Variants in ABCA13 observed in about 807,000 individuals in gnomAD.
The protein encoded by ABCA13 is ATP binding cassette subfamily A member 13, also known as ATP-binding cassette sub-family A member 13.
ABCA13 carries 476 observed loss-of-function variants against 478.7 expected under a neutral mutation model. The observed-to-expected ratio is 0.99, with a 90% CI of 0.92 to 1.07. ABCA13 has a LOEUF of 1.07. Ranked by LOEUF, ABCA13 falls within the 50% of genes least tolerant of loss-of-function variation. The pLI, the probability that ABCA13 is intolerant of heterozygous loss-of-function variation, is 0.00. For synonymous variants in ABCA13, 2,252 were observed against 2,158.9 expected (o/e 1.04, Z -1.20); for missense variants, 6,060 against 5,910.6 (o/e 1.03, Z -0.83).
chr7:48,534,934 G>A (rs985055675), intron 55 of ABCA13, among the ~76,000 whole-genome samples: 4 of 152,088 alleles, frequency 2.6e-5, no homozygotes, highest in East Asian at 1.9e-4. Flanking sequence ...TTTGATTTAT[G>A]TAAGTTAGAG....
intron 45 of ABCA13, among the ~76,000 whole-genome samples, chr7:48,478,601 G>A (rs1828406125): frequency 6.6e-6 from 1 of 152,052 alleles, no homozygotes; most frequent in Non-Finnish European, 1.5e-5. Flanking sequence ...TCAGGTTATG[G>A]CGGGAGAAGA....
intron 37 of ABCA13, 132 bp downstream of exon 37, chr7:48,389,352 C>T (rs780579070): frequency 1.8e-5 from 19 of 1,043,578 alleles, no homozygotes; most frequent in East Asian, 5.3e-5. Flanking sequence ...TTTAGAGACA[C>T]GGGTGAAAGG....
At position 48,410,652 on chromosome 7, in the gene ABCA13, G is replaced by C; in HGVS notation, c.12203G>C (p.Gly4068Ala). ...TGCCTGAAGGAGGCATATGGCCAGG[G>C]GCTCCGCCTGACACTCACGAGGCAG... Reference protein sequence around the residue: ...PFCLKEAYGQGLRLTLTRQPS... With the variant: ...PFCLKEAYGQALRLTLTRQPS... Residue 4068 changes from glycine (G) to alanine (A), a missense_variant, in exon 40 of 62, where the codon GGG becomes GCG. Physicochemically the swap from Gly to Ala is moderately conservative, Grantham distance 60. Coordinates refer to ENST00000435803, the MANE Select transcript of ABCA13 (RefSeq NM_152701.5). 6.2e-7 allele frequency: 1 copy of C among 1,613,842 alleles called. No individual in the cohort carries two copies. Among genetic ancestry groups the C allele is most frequent in the South Asian group, 1.1e-5 (1 of 91,080 alleles).
At chr7:48,601,581 C>T (rs1185968568) in intron 58 of ABCA13, among the ~76,000 whole-genome samples, 2 of 152,164 alleles carry the variant, frequency 1.3e-5, no homozygotes, top group Non-Finnish European at 2.9e-5. Context: ...CATAATATTC[C>T]ATGATGTATA....
intron 3 of ABCA13, among the ~76,000 whole-genome samples, chr7:48,206,396 A>G (rs1304688776): frequency 6.6e-6 from 1 of 152,232 alleles, no homozygotes; most frequent in Non-Finnish European, 1.5e-5. Flanking sequence ...AATAGGCTAC[A>G]CCACATGGCT....
intron 46 of ABCA13, among the ~76,000 whole-genome samples, chr7:48,482,064 CT>C (rs1047351506): frequency 4.6e-5 from 7 of 151,514 alleles, no homozygotes; most frequent in Non-Finnish European, 8.8e-5. Context: ...AATGTTAACC[CT>C]TTTTTTGAAG....
Position 48,411,085 on chromosome 7 carries a change from C to CTCCTT in ABCA13, c.12228+425_12228+429dup, listed in dbSNP as rs745323941. ...TCTTTCTTTCTTTTTCTTTCTTTCT[C>CTCCTT]TCCTTTCCTTTCCTTTCCTTTTCTT... On this transcript the variant is annotated intron_variant, in intron 40 of 61. Coordinates refer to ENST00000435803, the MANE Select transcript of ABCA13 (RefSeq NM_152701.5). 3.2e-4 allele frequency among the ~76,000 whole-genome samples: 30 copies of CTCCTT among 93,836 alleles called. 4 individuals are homozygous for CTCCTT. Among genetic ancestry groups the CTCCTT allele is most frequent in the Admixed American group, 1.0e-3 (7 of 6,906 alleles). 61.6% of individuals were successfully genotyped at this position (93,836 alleles called of 152,430 possible). A position where few individuals can be genotyped will look rare whatever the true frequency, so the allele number is the denominator to read the frequency against.
chr7:48,579,755 G>A (rs934983867), intron 55 of ABCA13, among the ~76,000 whole-genome samples: 1 of 152,164 alleles, frequency 6.6e-6, no homozygotes, highest in African/African-American at 2.4e-5. Flanking sequence ...ATTCTGGGCA[G>A]GGGAGGCCAG....
chr7:48,574,349 A>G (rs988693968), intron 55 of ABCA13, among the ~76,000 whole-genome samples: 3 of 152,134 alleles, frequency 2.0e-5, no homozygotes, highest in Admixed American at 6.5e-5. Flanking sequence ...TCACTGTTCA[A>G]TGGCCCTGAC....
chr7:48,398,533 G>A (rs1012961586), intron 38 of ABCA13, among the ~76,000 whole-genome samples: 26 of 152,182 alleles, frequency 1.7e-4, no homozygotes, highest in African/African-American at 6.3e-4. Context: ...TCATTAAAAT[G>A]TGACTTCAAG....
intron 59 of ABCA13, among the ~76,000 whole-genome samples, chr7:48,630,741 A>G (rs1172421063): frequency 6.6e-6 from 1 of 151,896 alleles, no homozygotes; most frequent in Non-Finnish European, 1.5e-5. Flanking sequence ...ACTGCTTTCC[A>G]CAGTGGCTGA....
chr7:48,565,391 A>G (rs2131289551), intron 55 of ABCA13, among the ~76,000 whole-genome samples: 1 of 152,236 alleles, frequency 6.6e-6, no homozygotes, highest in South Asian at 2.1e-4. Context: ...AATAAAATGA[A>G]TAAAAATCAT....
intron 43 of ABCA13, 137 bp downstream of exon 43, chr7:48,455,423 C>T (rs748189797): frequency 1.2e-4 from 160 of 1,296,312 alleles, no homozygotes; most frequent in Non-Finnish European, 1.6e-4. Flanking sequence ...TCTGAATTCA[C>T]GAGGAGATCC....
Position 48,314,371 on chromosome 7 carries a change from A to T in ABCA13, c.9821A>T (p.Glu3274Val), listed in dbSNP as rs547417560. The change falls in exon 26 of 62, where the codon GAA becomes GTA. Residue 3274 changes from glutamate (E) to valine (V), a missense_variant. By Grantham distance (121) the Glu-to-Val change is moderately radical. Coordinates refer to ENST00000435803, the MANE Select transcript of ABCA13 (RefSeq NM_152701.5). ...TTGCCCAGAGTTAAGGAACTCTTGG[A>T]AGATGACAAAGAAAAATTCAACATT... Reference protein sequence around the residue: ...INLPRVKELLEDDKEKFNIPE... With the variant: ...INLPRVKELLVDDKEKFNIPE... 2.3e-5 allele frequency: 37 copies of T among 1,603,606 alleles called. No individual in the cohort carries two copies. The highest frequency in any genetic ancestry group is 3.2e-5 in the Non-Finnish European group (37 of 1,174,378).
At chr7:48,563,832 G>GTGTGTGTGTT (rs1419295940) in intron 55 of ABCA13, among the ~76,000 whole-genome samples, 121 of 76,808 alleles carry the variant, frequency 1.6e-3, no homozygotes, top group African/African-American at 7.9e-3. Flanking sequence ...GTGTGTGTGT[G>GTGTGTGTGTT]TGTGTGTTTT....
At chr7:48,225,229 C>T (rs1369606981) in intron 5 of ABCA13, among the ~76,000 whole-genome samples, 1 of 147,452 alleles carries the variant, frequency 6.8e-6, no homozygotes, top group Non-Finnish European at 1.5e-5. Flanking sequence ...TCCCTCCCTC[C>T]CTCCCTCCCT....
At chr7:48,201,211 T>A (rs1798655381) in intron 3 of ABCA13, among the ~76,000 whole-genome samples, 1 of 152,210 alleles carries the variant, frequency 6.6e-6, no homozygotes. Context: ...GTGAATTTCC[T>A]TGAGCAAAGG....
At chr7:48,450,337 G>A (rs988232954) in intron 42 of ABCA13, among the ~76,000 whole-genome samples, 5 of 151,990 alleles carry the variant, frequency 3.3e-5, no homozygotes, top group Admixed American at 6.6e-5. Flanking sequence ...GTAATTTATC[G>A]TTTACAAGAT....
chr7:48,412,893 G>A (rs1044911056), intron 41 of ABCA13, among the ~76,000 whole-genome samples: 1 of 151,286 alleles, frequency 6.6e-6, no homozygotes, highest in Non-Finnish European at 1.5e-5. Flanking sequence ...CTCACTGCAA[G>A]CTCTGCCTCC....
Sources: allele counts gnomAD v4.1 joint callset (sites outside exome capture counted in the v4.1 genomes callset), GRCh38; gene constraint gnomAD v4.1.1; transcripts MANE v1.5; gene names NCBI Gene and HGNC (gene_info 2026-07-23, HGNC 2026-07-21).